The following PARN variants were observed in gnomAD, a reference collection of about 807,000 sequenced individuals.
The protein encoded by PARN is poly(A)-specific ribonuclease PARN.
In PARN, 71 loss-of-function variants were observed where a neutral mutation model predicts 102.8. That is an observed-to-expected ratio of 0.69 (90% CI 0.57 to 0.84). PARN has a LOEUF of 0.84. PARN is among the 40% of genes least tolerant of loss of function. PARN has a pLI of 0.00. For missense variants in PARN, 782 were observed against 760.9 expected, an observed-to-expected ratio of 1.03 and a Z score of -0.33; for synonymous variants, 261 against 252.9, an observed-to-expected ratio of 1.03 and a Z score of -0.30.
At chr16:14,548,104 C>T (rs759574723) in intron 21 of PARN, among the ~76,000 whole-genome samples, 2 of 151,734 alleles carry the variant, frequency 1.3e-5, no homozygotes, top group African/African-American at 2.4e-5. Context: ...AAAAATTAGC[C>T]GGGAGTGGAG....
At chr16:14,516,048 C>A (rs905741299) in intron 21 of PARN, among the ~76,000 whole-genome samples, 8 of 150,932 alleles carry the variant, frequency 5.3e-5, no homozygotes, top group Admixed American at 2.6e-4. Flanking sequence ...CATTAACACT[C>A]AAAAAAAATT....
rs118057183 is a variant in PARN at position 14,522,708 on chromosome 16, T to C, written c.1480+29313A>G. ...AGGAAGCTGGAACAAGGTCCCTGCATCAAGATGGGCACACAGAAAGGCTGC... is the reference window on the plus strand; with the variant it reads ...AGGAAGCTGGAACAAGGTCCCTGCACCAAGATGGGCACACAGAAAGGCTGC... On this transcript the variant is annotated intron_variant, in intron 21 of 23. Transcript: ENST00000437198. 1.9e-4 allele frequency among the ~76,000 whole-genome samples: 29 copies of C among 152,194 alleles called. No individual in the cohort carries two copies. In the East Asian group the frequency reaches 5.0e-3, roughly 26 times the overall value.
chr16:14,609,028 G>C, intron 8 of PARN, 30 bp downstream of exon 8: 1 of 1,339,606 alleles, frequency 7.5e-7, no homozygotes. Context: ...TCCAAAAAAA[G>C]GACATGCAGA....
At chr16:14,625,088 C>G (rs1203013770) in intron 5 of PARN, among the ~76,000 whole-genome samples, 2 of 152,036 alleles carry the variant, frequency 1.3e-5, no homozygotes, top group Non-Finnish European at 2.9e-5. Context: ...TAACCCCTGG[C>G]CAAAGCCATG....
At chr16:14,491,157 C>G (rs1448559956) in intron 21 of PARN, among the ~76,000 whole-genome samples, 1 of 151,496 alleles carries the variant, frequency 6.6e-6, no homozygotes, top group Admixed American at 6.6e-5. Context: ...AAATGACAGC[C>G]TTCCTTTCCA....
chr16:14,596,697 T>C (rs1163495769), intron 12 of PARN, among the ~76,000 whole-genome samples: 1 of 151,912 alleles, frequency 6.6e-6, no homozygotes, highest in East Asian at 1.9e-4. Context: ...AGTGAGCCAG[T>C]GTACTCCCAG....
At chr16:14,445,354 C>G (rs1961149586) in intron 23 of PARN, among the ~76,000 whole-genome samples, 1 of 152,132 alleles carries the variant, frequency 6.6e-6, no homozygotes, top group Admixed American at 6.5e-5. Flanking sequence ...CAGATCGGGC[C>G]ACATGCAAAA....
intron 11 of PARN, among the ~76,000 whole-genome samples, chr16:14,603,066 G>A (rs748278587): frequency 3.9e-5 from 6 of 151,962 alleles, no homozygotes; most frequent in African/African-American, 1.2e-4. Context: ...GACTACAGGC[G>A]CACGTCACCA....
At chr16:14,474,492 G>A (rs940966723) in intron 22 of PARN, among the ~76,000 whole-genome samples, 9 of 152,240 alleles carry the variant, frequency 5.9e-5, no homozygotes, top group African/African-American at 1.9e-4. Flanking sequence ...AGGGTCTCAC[G>A]AGTTTTTATC....
chr16:14,525,185 G>A (rs921211578), intron 21 of PARN, among the ~76,000 whole-genome samples: 2 of 152,160 alleles, frequency 1.3e-5, no homozygotes, highest in Non-Finnish European at 2.9e-5. Context: ...TAGTAAATGC[G>A]CCTCTCTACA....
At chr16:14,617,077 A>T (rs113938876) in intron 6 of PARN, among the ~76,000 whole-genome samples, 7,242 of 138,942 alleles carry the variant, frequency 0.052, 208 homozygotes, top group African/African-American at 0.082. Context: ...GTTTTTTTTT[A>T]AAAAAAAAAA....
intron 11 of PARN, among the ~76,000 whole-genome samples, chr16:14,603,098 A>G (rs1346714585): frequency 1.3e-5 from 2 of 151,684 alleles, no homozygotes; most frequent in Non-Finnish European, 1.5e-5. Flanking sequence ...TTTTTTTTGT[A>G]TTTTTTGTAG....
chr16:14,442,479 C>T (rs1290099180), intron 23 of PARN, among the ~76,000 whole-genome samples: 1 of 152,146 alleles, frequency 6.6e-6, no homozygotes, highest in African/African-American at 2.4e-5. Flanking sequence ...GTACATTCAC[C>T]TCCTGAAAAT....
At chr16:14,621,141 A>G (rs1972271079) in intron 5 of PARN, among the ~76,000 whole-genome samples, 3 of 152,132 alleles carry the variant, frequency 2.0e-5, no homozygotes, top group Non-Finnish European at 4.4e-5. Flanking sequence ...TTCTTTTTTA[A>G]TCCTGTCCTG....
intron 23 of PARN, among the ~76,000 whole-genome samples, chr16:14,444,503 AATCT>A (rs1961102836): frequency 6.6e-6 from 1 of 152,214 alleles, no homozygotes; most frequent in African/African-American, 2.4e-5. Context: ...AAAAGGAACT[AATCT>A]ATTAATGCAG....
chr16:14,436,700 C>T lies in PARN; in HGVS notation c.*17G>A, dbSNP rs745585881. ...TCACAGCGACAGCACCAGCGGTTTG[C>T]TGCCCTCAGGTCTTGGTTACCATGT... On this transcript the variant is annotated 3_prime_UTR_variant, in exon 24 of 24. Coordinates refer to ENST00000437198, the MANE Select transcript of PARN (RefSeq NM_002582.4). 2 of 1,586,090 alleles carry T rather than the reference C, an allele frequency of 1.3e-6. No homozygotes were observed. The highest frequency in any genetic ancestry group is 1.7e-6 in the Non-Finnish European group (2 of 1,162,626).
chr16:14,629,781 A>C, intron 1 of PARN, 107 bp from the exon 2 acceptor site: 1 of 871,532 alleles, frequency 1.1e-6, no homozygotes, highest in Non-Finnish European at 1.9e-6. Context: ...GGAAGGGGAA[A>C]AGTCCCGGAG....
At chr16:14,616,929 C>G (rs1210920572) in intron 6 of PARN, among the ~76,000 whole-genome samples, 1 of 152,116 alleles carries the variant, frequency 6.6e-6, no homozygotes, top group Non-Finnish European at 1.5e-5. Context: ...GCACTCCCCA[C>G]AGGTGGTGAG....
At chr16:14,540,899 T>C (rs1966819237) in intron 21 of PARN, among the ~76,000 whole-genome samples, 1 of 152,078 alleles carries the variant, frequency 6.6e-6, no homozygotes, top group Non-Finnish European at 1.5e-5. Context: ...TGCAGTGAGC[T>C]GTGAACGCGC....
Sources: gnomAD v4.1 joint callset for allele counts (sites outside exome capture counted in the v4.1 genomes callset) on GRCh38, gnomAD v4.1.1 for gene constraint, MANE v1.5 for transcripts, NCBI Gene and HGNC (gene_info 2026-07-23, HGNC 2026-07-21) for gene names.